The following POLR3B variants were observed in gnomAD, a reference collection of about 807,000 sequenced individuals.
POLR3B encodes RNA polymerase III subunit B.
A neutral mutation model predicts 147.4 loss-of-function variants in POLR3B; 96 were observed. The ratio of observed to expected loss-of-function variants is 0.65; its 90% CI spans 0.55 to 0.77. The LOEUF (loss-of-function observed/expected upper bound fraction) is 0.77. Ranked by LOEUF, POLR3B falls within the 30% of genes least tolerant of loss-of-function variation. The pLI, the probability that POLR3B is intolerant of heterozygous loss-of-function variation, is 0.00. For synonymous variants in POLR3B, 461 were observed against 485.9 expected, an observed-to-expected ratio of 0.95 and a Z score of 0.67; for missense variants, 1,036 against 1,413.5, an observed-to-expected ratio of 0.73 and a Z score of 4.28.
chr12:106,509,612 G>T lies in POLR3B; in HGVS notation c.*63G>T. The T allele has an allele frequency of 6.8e-7, 1 of 1,464,080 alleles. No individual in the cohort carries two copies. The highest frequency in any genetic ancestry group is 9.5e-7 in the Non-Finnish European group (1 of 1,051,918). The allele number at this position is 1,464,080 out of a possible 1,614,324, so 90.7% of individuals were successfully genotyped here. The stretch of plus-strand genomic sequence containing the variant: ...CATCCAATGCAACGGAAAGCAGAAG[G>T]GATTTAGGACTACGTCTCCTCCTGT... On this transcript the variant is annotated 3_prime_UTR_variant, in exon 28 of 28. Coordinates refer to ENST00000228347, the MANE Select transcript of POLR3B (RefSeq NM_018082.6).
chr12:106,480,630 G>A (rs145226888), intron 23 of POLR3B, among the ~76,000 whole-genome samples: 146 of 152,348 alleles, frequency 9.6e-4, no homozygotes, highest in African/African-American at 3.4e-3. Flanking sequence ...GTAAGGGTTA[G>A]GGGAGAAGTG....
At chr12:106,461,300 G>A (rs1200443972) in intron 22 of POLR3B, among the ~76,000 whole-genome samples, 1 of 151,974 alleles carries the variant, frequency 6.6e-6, no homozygotes, top group African/African-American at 2.4e-5. Flanking sequence ...ACAATATGTT[G>A]TCCAGACTAG....
At chr12:106,420,431 C>T (rs1428620062) in intron 12 of POLR3B, among the ~76,000 whole-genome samples, 4 of 152,176 alleles carry the variant, frequency 2.6e-5, no homozygotes, top group African/African-American at 9.7e-5. Flanking sequence ...CTCTGAGTTT[C>T]AGCTTCCCAG....
Position 106,496,877 on chromosome 12 carries a change from T to A in POLR3B, c.2943T>A (p.Tyr981Ter). 1 of 1,614,104 alleles carries A rather than the reference T, an allele frequency of 6.2e-7. No individual in the cohort carries two copies. Among genetic ancestry groups the A allele is most frequent in the Non-Finnish European group, 8.5e-7 (1 of 1,179,996 alleles). Residue 981 changes from tyrosine to a stop codon, truncating the protein, a stop_gained, in exon 25 of 28, where the codon TAT (tyrosine) becomes TAA (stop). Coordinates refer to ENST00000228347, the MANE Select transcript of POLR3B (RefSeq NM_018082.6). LOFTEE classifies it high-confidence loss of function. The part of the protein sequence containing the change: ...DVCEDLVRHG[Y>*]NYLGKDYVTS... ...GTGAGGACCTCGTTCGCCATGGTTA[T>A]AACTACTTGGGGAAAGACTATGTTA...
At chr12:106,477,892 T>C (rs12296118) in intron 23 of POLR3B, among the ~76,000 whole-genome samples, 4,619 of 17,026 alleles carry the variant, frequency 0.27, 436 homozygotes, top group African/African-American at 0.37. Flanking sequence ...GCTCCTCCCC[T>C]TTTTTTTTTT....
At chr12:106,484,286 T>A (rs964922367) in intron 23 of POLR3B, among the ~76,000 whole-genome samples, 8 of 152,136 alleles carry the variant, frequency 5.3e-5, no homozygotes, top group Admixed American at 2.6e-4. Context: ...AGCATTTGTG[T>A]CTCACTGACT....
intron 27 of POLR3B, among the ~76,000 whole-genome samples, chr12:106,505,798 C>T (rs2038678599): frequency 6.6e-6 from 1 of 152,144 alleles, no homozygotes; most frequent in Admixed American, 6.5e-5. Context: ...CCCATTGAGT[C>T]CCCATCGTAG....
chr12:106,471,610 T>G (rs945670517), intron 23 of POLR3B, among the ~76,000 whole-genome samples: 2 of 152,038 alleles, frequency 1.3e-5, no homozygotes, highest in Non-Finnish European at 2.9e-5. Context: ...GCAGTCAGTC[T>G]CCACTAAACT....
chr12:106,406,070 A>C, intron 11 of POLR3B, 94 bp downstream of exon 11: 1 of 1,367,148 alleles, frequency 7.3e-7, no homozygotes, highest in Non-Finnish European at 1.0e-6. Flanking sequence ...TTAAAGTCCA[A>C]TTCCTCAAGA....
chr12:106,429,657 TTAA>T (rs2037482830), intron 13 of POLR3B, among the ~76,000 whole-genome samples: 1 of 152,162 alleles, frequency 6.6e-6, no homozygotes, highest in South Asian at 2.1e-4. Context: ...TGAATCTATT[TTAA>T]TAATGACACA....
intron 23 of POLR3B, among the ~76,000 whole-genome samples, chr12:106,470,633 G>A (rs1565906532): frequency 6.6e-6 from 1 of 152,120 alleles, no homozygotes; most frequent in Non-Finnish European, 1.5e-5. Flanking sequence ...CTATGGATGA[G>A]GTTTTGGTCT....
At chr12:106,448,697 C>A (rs1380013515) in intron 19 of POLR3B, among the ~76,000 whole-genome samples, 1 of 151,844 alleles carries the variant, frequency 6.6e-6, no homozygotes, top group African/African-American at 2.4e-5. Flanking sequence ...GCCTTGGCCT[C>A]CCAAAGTGCT....
At chr12:106,400,749 C>T (rs2037052892) in intron 10 of POLR3B, among the ~76,000 whole-genome samples, 1 of 152,102 alleles carries the variant, frequency 6.6e-6, no homozygotes, top group Admixed American at 6.6e-5. Flanking sequence ...GAAATGAAGG[C>T]AGAAATAAAG....
intron 18 of POLR3B, among the ~76,000 whole-genome samples, chr12:106,440,328 C>T (rs1396799015): frequency 1.3e-5 from 2 of 152,156 alleles, no homozygotes; most frequent in Admixed American, 6.6e-5. Flanking sequence ...GCAAAGGCCT[C>T]CTGACTATTT....
intron 18 of POLR3B, among the ~76,000 whole-genome samples, chr12:106,443,901 T>A (rs556340867): frequency 6.6e-6 from 1 of 152,204 alleles, no homozygotes; most frequent in African/African-American, 2.4e-5. Flanking sequence ...CTCAGCTCAC[T>A]GCAACCTCCG....
At chr12:106,506,821 G>T (rs969003883) in intron 27 of POLR3B, among the ~76,000 whole-genome samples, 2 of 152,082 alleles carry the variant, frequency 1.3e-5, no homozygotes, top group South Asian at 2.1e-4. Flanking sequence ...CCGCTGCCTC[G>T]GGTGCTGCTT....
intron 20 of POLR3B, among the ~76,000 whole-genome samples, chr12:106,455,865 C>T (rs148014934): frequency 3.3e-5 from 5 of 152,204 alleles, no homozygotes; most frequent in Non-Finnish European, 5.9e-5. Context: ...TTTAGAAATT[C>T]GTTACTTCAT....
intron 9 of POLR3B, among the ~76,000 whole-genome samples, chr12:106,389,761 G>A (rs145913326): frequency 1.7e-4 from 26 of 152,250 alleles, no homozygotes; most frequent in African/African-American, 5.1e-4. Context: ...GGTCATGGTC[G>A]CCTGTGCCTA....
intron 18 of POLR3B, among the ~76,000 whole-genome samples, chr12:106,444,002 T>C (rs2037689420): frequency 6.6e-6 from 1 of 150,930 alleles, no homozygotes; most frequent in Non-Finnish European, 1.5e-5. Context: ...TTTGTATTTT[T>C]AATAGAGACA....
Sources: gnomAD v4.1 joint callset for allele counts (sites outside exome capture counted in the v4.1 genomes callset) on GRCh38, gnomAD v4.1.1 for gene constraint, MANE v1.5 for transcripts, NCBI Gene and HGNC (gene_info 2026-07-23, HGNC 2026-07-21) for gene names.